The following ALOX5AP variants were observed in gnomAD, a reference collection of about 807,000 sequenced individuals.
The protein encoded by ALOX5AP is arachidonate 5-lipoxygenase activating protein.
In ALOX5AP, 9 loss-of-function variants were observed where a neutral mutation model predicts 18.5. The observed-to-expected ratio is 0.49, with a 90% CI of 0.29 to 0.85. The LOEUF (loss-of-function observed/expected upper bound fraction) is 0.85, where lower values mean the gene tolerates loss of function less well. Among genes scored for constraint, ALOX5AP ranks in the 40% least tolerant of loss-of-function variants. The pLI is 0.08. For missense variants in ALOX5AP, 172 were observed against 202.5 expected, an observed-to-expected ratio of 0.85 and a Z score of 0.91; for synonymous variants, 81 against 78.6, an observed-to-expected ratio of 1.03 and a Z score of -0.16.
chr13:30,761,562 C>A (rs1057023237), intron 4 of ALOX5AP, among the ~76,000 whole-genome samples: 2 of 152,330 alleles, frequency 1.3e-5, no homozygotes, highest in Non-Finnish European at 2.9e-5. Flanking sequence ...CCAGCACTAG[C>A]AGGGGACTCT....
upstream of ALOX5AP, chr13:30,735,392 T>A: frequency 9.9e-7 from 1 of 1,005,988 alleles, no homozygotes; most frequent in Non-Finnish European, 1.4e-6. Context: ...CTTCTCCTGG[T>A]GGGACACACT....
chr13:30,718,031 C>G (rs1260429888), intron 1 of ALOX5AP, among the ~76,000 whole-genome samples: 10 of 151,620 alleles, frequency 6.6e-5, no homozygotes, highest in Non-Finnish European at 1.2e-4. Flanking sequence ...ACAATCTCAG[C>G]TCACTGCAAC....
intron 4 of ALOX5AP, among the ~76,000 whole-genome samples, chr13:30,757,983 C>T (rs748982976): frequency 8.5e-5 from 13 of 152,154 alleles, no homozygotes; most frequent in South Asian, 6.2e-4. Flanking sequence ...GCCATCTGCG[C>T]GGGTTCTAGA....
intron 1 of ALOX5AP, among the ~76,000 whole-genome samples, chr13:30,717,148 G>A (rs1217252911): frequency 6.6e-6 from 1 of 152,222 alleles, no homozygotes. Flanking sequence ...CCGGGCAAAT[G>A]AAAACACCTC....
intron 2 of ALOX5AP, among the ~76,000 whole-genome samples, chr13:30,751,446 G>C (rs184610563): frequency 6.6e-6 from 1 of 152,354 alleles, no homozygotes; most frequent in Non-Finnish European, 1.5e-5. Flanking sequence ...GTTAAAAAGA[G>C]AGGAAGGGTG....
chr13:30,739,140 A>G (rs1338044576), intron 1 of ALOX5AP, among the ~76,000 whole-genome samples: 4 of 152,126 alleles, frequency 2.6e-5, no homozygotes, highest in Non-Finnish European at 5.9e-5. Flanking sequence ...GTGTTTGGAA[A>G]ACTCACAAAC....
intron 2 of ALOX5AP, among the ~76,000 whole-genome samples, chr13:30,748,674 G>A (rs1417211892): frequency 6.6e-6 from 1 of 152,194 alleles, no homozygotes; most frequent in East Asian, 1.9e-4. Flanking sequence ...GAAGACATTG[G>A]AACAATGATA....
At chr13:30,721,671 A>G (rs1409185473) in intron 1 of ALOX5AP, among the ~76,000 whole-genome samples, 3 of 152,174 alleles carry the variant, frequency 2.0e-5, no homozygotes, top group African/African-American at 7.2e-5. Context: ...TCTACAATGC[A>G]AATCCATTTG....
At chr13:30,732,956 C>A (rs987490944), upstream of ALOX5AP, among the ~76,000 whole-genome samples, 2 of 151,838 alleles carry the variant, frequency 1.3e-5, no homozygotes, top group Non-Finnish European at 2.9e-5. Flanking sequence ...GAGATCGAGA[C>A]CATCCCGGCT....
At chr13:30,736,339 G>A (rs757210545) in intron 1 of ALOX5AP, among the ~76,000 whole-genome samples, 2 of 151,848 alleles carry the variant, frequency 1.3e-5, no homozygotes, top group Non-Finnish European at 2.9e-5. Context: ...CATTATTCCT[G>A]CTATTAGTTA....
intron 4 of ALOX5AP, among the ~76,000 whole-genome samples, chr13:30,757,782 TACTA>T (rs886973627): frequency 3.3e-5 from 5 of 152,204 alleles, no homozygotes; most frequent in African/African-American, 1.2e-4. Flanking sequence ...TTAAAGGCTT[TACTA>T]ACTGATTCCT....
rs189699661 is a variant in ALOX5AP, at chr13:30,747,441, G to A, written c.170+3282G>A. Among the ~76,000 whole-genome samples the A allele has an allele frequency of 5.5e-4, 83 of 152,292 alleles. 1 individual carries two copies. Among genetic ancestry groups the A allele is most frequent in the Middle Eastern group, 3.4e-3 (1 of 294 alleles). On this transcript the variant is annotated intron_variant, in intron 2 of 4. Transcript: ENST00000380490. ...ACCCGCCTTGGCCCCTCAAAGTGTT[G>A]GAATTACAGGTGTGAGCCACCGTGC...
At chr13:30,756,813 C>CAAAAA (rs60551684) in intron 4 of ALOX5AP, among the ~76,000 whole-genome samples, 11 of 59,282 alleles carry the variant, frequency 1.9e-4, no homozygotes, top group African/African-American at 8.7e-4. Context: ...AACTCCATCT[C>CAAAAA]AAAAAAAAAA....
intron 4 of ALOX5AP, among the ~76,000 whole-genome samples, chr13:30,756,455 G>A (rs1951894705): frequency 6.6e-6 from 1 of 152,176 alleles, no homozygotes; most frequent in Non-Finnish European, 1.5e-5. Context: ...AAGTTGTCCT[G>A]AGGAACATAT....
intron 1 of ALOX5AP, among the ~76,000 whole-genome samples, chr13:30,723,232 C>A (rs1283745456): frequency 6.6e-6 from 1 of 152,176 alleles, no homozygotes; most frequent in African/African-American, 2.4e-5. Context: ...TAAGGAGATA[C>A]AAGAAGCAGA....
upstream of ALOX5AP, among the ~76,000 whole-genome samples, chr13:30,734,773 T>C (rs1951707420): frequency 6.6e-6 from 1 of 152,222 alleles, no homozygotes; most frequent in East Asian, 1.9e-4. Flanking sequence ...TGGTTTGAAT[T>C]CTTTGGTTTA....
intron 1 of ALOX5AP, among the ~76,000 whole-genome samples, chr13:30,719,089 C>A (rs538392813): frequency 8.5e-5 from 13 of 152,208 alleles, no homozygotes; most frequent in Non-Finnish European, 1.8e-4. Flanking sequence ...GGTCTGAGTC[C>A]TGTCTCAGTT....
intron 4 of ALOX5AP, among the ~76,000 whole-genome samples, chr13:30,762,930 C>T (rs1027921897): frequency 6.6e-6 from 1 of 152,198 alleles, no homozygotes; most frequent in Non-Finnish European, 1.5e-5. Flanking sequence ...AACAGGGTGG[C>T]CTCTGCATGC....
intron 3 of ALOX5AP, 42 bp downstream of exon 3, chr13:30,752,164 G>A: frequency 6.3e-7 from 1 of 1,593,246 alleles, no homozygotes; most frequent in Non-Finnish European, 8.6e-7. Flanking sequence ...TCTATAAAGT[G>A]CATCTCAAGG....
Sources: allele counts gnomAD v4.1 joint callset (sites outside exome capture counted in the v4.1 genomes callset), GRCh38; gene constraint gnomAD v4.1.1; transcripts MANE v1.5; gene names NCBI Gene and HGNC (gene_info 2026-07-23, HGNC 2026-07-21).